EPHB1: variants seen among roughly 807,000 people sequenced by gnomAD.
EPHB1 encodes EPH receptor B1.
EPHB1 carries 30 observed loss-of-function variants against 94.4 expected under a neutral mutation model. The ratio of observed to expected loss-of-function variants is 0.32; its 90% CI spans 0.24 to 0.43. The LOEUF is 0.43. EPHB1 is among the 20% of genes least tolerant of loss of function. The probability of loss-of-function intolerance (pLI) is 1.00; values close to 1 mark genes in which losing one functional copy is unlikely to be tolerated. For missense variants in EPHB1, 1,055 were observed against 1,308.3 expected (o/e 0.81, Z 2.99); for synonymous variants, 522 against 489.1 (o/e 1.07, Z -0.89).
At chr3:134,851,710 G>A (rs2036987788) in intron 1 of EPHB1, among the ~76,000 whole-genome samples, 1 of 152,082 alleles carries the variant, frequency 6.6e-6, no homozygotes, top group Non-Finnish European at 1.5e-5. Context: ...TCCTATCTTT[G>A]AGTTTTGTTC....
intron 3 of EPHB1, among the ~76,000 whole-genome samples, chr3:134,958,544 C>T (rs1045846454): frequency 7.2e-5 from 11 of 152,138 alleles, no homozygotes; most frequent in African/African-American, 2.4e-4. Flanking sequence ...AGGGAAACCA[C>T]AGCCCAGATA....
intron 12 of EPHB1, among the ~76,000 whole-genome samples, chr3:135,222,579 G>A (rs984577762): frequency 4.6e-5 from 7 of 152,150 alleles, no homozygotes; most frequent in African/African-American, 1.2e-4. Flanking sequence ...GGCCGGCTTC[G>A]TGGTTTCCAG....
At chr3:135,248,877 C>G (rs183034466) in intron 14 of EPHB1, among the ~76,000 whole-genome samples, 15 of 151,560 alleles carry the variant, frequency 9.9e-5, no homozygotes, top group African/African-American at 3.1e-4. Flanking sequence ...TGAAAATGTG[C>G]CAGAGAAGGT....
chr3:134,860,532 T>C (rs920296770), intron 1 of EPHB1, among the ~76,000 whole-genome samples: 19 of 152,108 alleles, frequency 1.2e-4, no homozygotes, highest in African/African-American at 4.1e-4. Flanking sequence ...AAAGATTTCT[T>C]GGCCGGGCGC....
chr3:135,179,204 A>G (rs1942079240), intron 9 of EPHB1, among the ~76,000 whole-genome samples: 2 of 152,206 alleles, frequency 1.3e-5, no homozygotes, highest in Non-Finnish European at 1.5e-5. Context: ...GTCCGAAGGC[A>G]TGAAGAGTCA....
chr3:134,855,859 GT>G (rs2037104229), intron 1 of EPHB1, among the ~76,000 whole-genome samples: 1 of 152,080 alleles, frequency 6.6e-6, no homozygotes, highest in Non-Finnish European at 1.5e-5. Context: ...TGTTTTATGT[GT>G]TTTCATCATT....
intron 1 of EPHB1, among the ~76,000 whole-genome samples, chr3:134,811,721 G>A (rs1414610680): frequency 1.3e-5 from 2 of 149,602 alleles, no homozygotes; most frequent in Non-Finnish European, 1.5e-5. Context: ...CCTTTGCTGA[G>A]AATGCATGAT....
At chr3:134,911,087 A>G (rs2038443064) in intron 1 of EPHB1, among the ~76,000 whole-genome samples, 1 of 152,224 alleles carries the variant, frequency 6.6e-6, no homozygotes, top group African/African-American at 2.4e-5. Context: ...CCTGGAGGAA[A>G]AGGGACCAGA....
At chr3:134,968,452 C>T (rs6789372) in intron 3 of EPHB1, among the ~76,000 whole-genome samples, 32,593 of 151,904 alleles carry the variant, frequency 0.21, 3,812 homozygotes, top group Middle Eastern at 0.33. Context: ...AAGTAAATTC[C>T]CTGAAGATAG....
rs553410708 is a variant in EPHB1 at position 135,122,149 on chromosome 3, T to G, written c.962-10565T>G. Among the ~76,000 whole-genome samples the G allele has an allele frequency of 2.0e-5, 3 of 152,212 alleles. No homozygotes were observed. The East Asian group carries it at 5.8e-4, about 29-fold the overall frequency. On this transcript the variant is annotated intron_variant, in intron 4 of 15. Coordinates refer to ENST00000398015, the MANE Select transcript of EPHB1 (RefSeq NM_004441.5). ...CTCAGGGTAGACATCGGTGAACTTT[T>G]CATAAACCCACATACACAGCACAGC... is the stretch of plus-strand genomic sequence containing the variant.
At chr3:134,860,030 C>CT (rs1453300967) in intron 1 of EPHB1, among the ~76,000 whole-genome samples, 1 of 151,944 alleles carries the variant, frequency 6.6e-6, no homozygotes, top group African/African-American at 2.4e-5. Flanking sequence ...TGTATTTCAC[C>CT]TTTTTTCATA....
intron 9 of EPHB1, among the ~76,000 whole-genome samples, chr3:135,171,450 G>A (rs1171183076): frequency 6.6e-6 from 1 of 152,152 alleles, no homozygotes; most frequent in Non-Finnish European, 1.5e-5. Flanking sequence ...TCAGGTGCAA[G>A]CATAGGGAAG....
intron 3 of EPHB1, among the ~76,000 whole-genome samples, chr3:135,017,372 T>C (rs374069135): frequency 8.5e-5 from 13 of 152,176 alleles, no homozygotes; most frequent in African/African-American, 3.1e-4. Context: ...ATTAAATGTG[T>C]AGGAAACTGA....
Position 135,201,590 on chromosome 3 carries a change from C to T in EPHB1, c.2247C>T (p.Asn749=). ...TGCATCGGGACCTGGCTGCTAGGAA[C>T]ATTCTGGTCAACAGTAACCTGGTGT... is the stretch of plus-strand genomic sequence containing the variant. ...NYVHRDLAAR[N]ILVNSNLVCK... is the part of the protein sequence containing the mutation. Residue 749 remains asparagine, a synonymous_variant, in exon 12 of 16, where the codon AAC becomes AAT. Coordinates refer to ENST00000398015, the MANE Select transcript of EPHB1 (RefSeq NM_004441.5). The T allele has an allele frequency of 6.2e-7, 1 of 1,614,074 alleles. No homozygotes were observed. The highest frequency in any genetic ancestry group is 8.5e-7 in the Non-Finnish European group (1 of 1,180,012).
intron 3 of EPHB1, among the ~76,000 whole-genome samples, chr3:135,030,560 T>C (rs1473619085): frequency 6.6e-6 from 1 of 152,222 alleles, no homozygotes; most frequent in African/African-American, 2.4e-5. Flanking sequence ...AGGGACCCAC[T>C]TGAGGAGGCA....
chr3:135,024,970 T>C (rs1381372259), intron 3 of EPHB1, among the ~76,000 whole-genome samples: 2 of 151,968 alleles, frequency 1.3e-5, no homozygotes, highest in East Asian at 1.9e-4. Context: ...GTGGTAATTA[T>C]ATATGATTTT....
At chr3:135,138,016 G>A (rs1289714324) in intron 5 of EPHB1, among the ~76,000 whole-genome samples, 4 of 152,170 alleles carry the variant, frequency 2.6e-5, no homozygotes. Context: ...CCTGCCATTG[G>A]ATGATTCTGA....
intron 7 of EPHB1, among the ~76,000 whole-genome samples, chr3:135,163,888 C>G (rs549489802): frequency 6.4e-4 from 97 of 152,166 alleles, no homozygotes; most frequent in African/African-American, 2.2e-3. Flanking sequence ...GTCTGCAGAG[C>G]GAAGGTAGTC....
chr3:135,256,199 G>C (rs1412279412), intron 15 of EPHB1, among the ~76,000 whole-genome samples: 2 of 152,056 alleles, frequency 1.3e-5, no homozygotes, highest in African/African-American at 4.8e-5. Context: ...CTTTTAATTG[G>C]AGCATTTAGT....
Sources: allele counts gnomAD v4.1 joint callset (sites outside exome capture counted in the v4.1 genomes callset), GRCh38; gene constraint gnomAD v4.1.1; transcripts MANE v1.5; gene names NCBI Gene and HGNC (gene_info 2026-07-23, HGNC 2026-07-21).